The following GABRB1 variants were observed in gnomAD, a reference collection of about 807,000 sequenced individuals.
The protein encoded by GABRB1 is gamma-aminobutyric acid type A receptor subunit beta1.
GABRB1 carries 17 observed loss-of-function variants against 51.6 expected under a neutral mutation model. The ratio of observed to expected loss-of-function variants is 0.33; its 90% CI spans 0.23 to 0.49. The LOEUF is 0.49. GABRB1 is among the 20% of genes least tolerant of loss of function. GABRB1 has a pLI of 0.99. For synonymous variants in GABRB1, 247 were observed against 218.9 expected, an observed-to-expected ratio of 1.13 and a Z score of -1.14; for missense variants, 410 against 600.6, an observed-to-expected ratio of 0.68 and a Z score of 3.32.
At chr4:47,132,253 T>G (rs1446580586) in intron 3 of GABRB1, among the ~76,000 whole-genome samples, 1 of 152,228 alleles carries the variant, frequency 6.6e-6, no homozygotes, top group Non-Finnish European at 1.5e-5. Flanking sequence ...GCTAACTTTC[T>G]TATTATTTTT....
chr4:47,425,980 C>G lies in GABRB1; in HGVS notation c.1387C>G (p.Leu463Val). Reference sequence around the variant, plus strand: ...AATGTTTTTCCCCATCACCTTTTCTCTTTTTAATGTCGTCTATTGGCTTTA... The same window carrying G: ...AATGTTTTTCCCCATCACCTTTTCTGTTTTTAATGTCGTCTATTGGCTTTA... ...SRMFFPITFS[L>V]FNVVYWLYYV... is the part of the protein sequence containing the mutation. Residue 463 changes from leucine to valine, a missense_variant, in exon 9 of 9, where the codon CTT (leucine) becomes GTT (valine). Around this residue, in one of 5 missense-constraint regions of GABRB1, gnomAD observed 181 missense variants for 195.6 expected, o/e 0.93. Coordinates refer to ENST00000295454, the MANE Select transcript of GABRB1 (RefSeq NM_000812.4). 2 of 1,608,116 alleles carry G rather than the reference C, an allele frequency of 1.2e-6. No homozygotes were observed. Among genetic ancestry groups the G allele is most frequent in the Non-Finnish European group, 1.7e-6 (2 of 1,176,324 alleles).
intron 3 of GABRB1, among the ~76,000 whole-genome samples, chr4:47,113,478 C>A (rs1715325392): frequency 1.3e-5 from 2 of 148,644 alleles, no homozygotes; most frequent in South Asian, 4.3e-4. Flanking sequence ...ATATGTTAAA[C>A]AATAAATAGA....
chr4:47,078,694 C>T (rs1252938711), intron 3 of GABRB1, among the ~76,000 whole-genome samples: 3 of 152,180 alleles, frequency 2.0e-5, no homozygotes, highest in African/African-American at 7.2e-5. Context: ...TCAGCTCTAA[C>T]ATCCTATAAT....
intron 3 of GABRB1, among the ~76,000 whole-genome samples, chr4:47,156,163 C>A (rs1490845672): frequency 1.3e-5 from 2 of 151,518 alleles, no homozygotes; most frequent in Non-Finnish European, 2.9e-5. Context: ...TTTCTGTAGT[C>A]GCTGTACTTT....
intron 3 of GABRB1, among the ~76,000 whole-genome samples, chr4:47,100,237 C>T (rs1219703871): frequency 1.3e-5 from 2 of 151,890 alleles, no homozygotes; most frequent in Non-Finnish European, 2.9e-5. Context: ...TAATAACTCA[C>T]ATGGGATTAT....
At position 47,032,128 on chromosome 4, in the gene GABRB1, GCACACACACACA is replaced by G. The variant is rs72109821; in HGVS notation, c.172+145_172+156del. 4 of 583,574 alleles carry G rather than the reference GCACACACACACA, an allele frequency of 6.9e-6. No individual in the cohort carries two copies. The East Asian group carries it at 8.8e-5, about 13-fold the overall frequency. 36.1% of individuals were successfully genotyped at this position (583,574 alleles called of 1,614,324 possible). A position where few individuals can be genotyped will look rare whatever the true frequency, so the allele number is the denominator to read the frequency against. On this transcript the variant is annotated intron_variant, in intron 2 of 8. Transcript: ENST00000295454. ...TTCGTAAGCGTGCACTATACCCTGG[GCACACACACACA>G]CACACACACACACACACACACCCCG...
intron 4 of GABRB1, among the ~76,000 whole-genome samples, chr4:47,299,479 A>G (rs1482510625): frequency 2.0e-5 from 3 of 152,222 alleles, no homozygotes; most frequent in Admixed American, 6.5e-5. Context: ...GCCAAAAAAC[A>G]CATGAAAAAA....
chr4:47,220,995 C>A (rs143022154), intron 4 of GABRB1, among the ~76,000 whole-genome samples: 132 of 152,098 alleles, frequency 8.7e-4, no homozygotes, highest in African/African-American at 3.1e-3. Flanking sequence ...ACGTTACCAC[C>A]TTTGATGTAA....
At chr4:47,086,218 C>T (rs1018632083) in intron 3 of GABRB1, among the ~76,000 whole-genome samples, 10 of 152,152 alleles carry the variant, frequency 6.6e-5, no homozygotes, top group African/African-American at 2.4e-4. Context: ...AACTGCTTTA[C>T]ACATGTTTGC....
intron 5 of GABRB1, among the ~76,000 whole-genome samples, chr4:47,376,510 A>G (rs1253433273): frequency 6.6e-6 from 1 of 152,080 alleles, no homozygotes; most frequent in Non-Finnish European, 1.5e-5. Flanking sequence ...AGCCGGGCCT[A>G]GTGGCGGCCG....
chr4:47,372,446 G>T (rs1727228339), intron 5 of GABRB1, among the ~76,000 whole-genome samples: 2 of 152,142 alleles, frequency 1.3e-5, no homozygotes, highest in South Asian at 4.1e-4. Flanking sequence ...CCACTGTGCT[G>T]TTAAATCTCC....
At chr4:47,242,126 A>G (rs1721547560) in intron 4 of GABRB1, among the ~76,000 whole-genome samples, 1 of 151,892 alleles carries the variant, frequency 6.6e-6, no homozygotes. Flanking sequence ...TATGAGTGAG[A>G]ACATGCGGTG....
At chr4:47,216,703 G>A (rs1295779459) in intron 4 of GABRB1, among the ~76,000 whole-genome samples, 1 of 151,808 alleles carries the variant, frequency 6.6e-6, no homozygotes, top group Non-Finnish European at 1.5e-5. Context: ...ATATCCATCT[G>A]ATTGACAAAC....
At chr4:47,403,141 A>C (rs1270535656) in intron 5 of GABRB1, among the ~76,000 whole-genome samples, 177 bp from the exon 6 acceptor site, 1 of 152,216 alleles carries the variant, frequency 6.6e-6, no homozygotes, top group Non-Finnish European at 1.5e-5. Context: ...CATTCTTTCA[A>C]TGAAGCTACT....
intron 3 of GABRB1, among the ~76,000 whole-genome samples, chr4:47,055,261 G>A (rs1047092920): frequency 6.6e-6 from 1 of 152,108 alleles, no homozygotes; most frequent in African/African-American, 2.4e-5. Context: ...GAATAGAGAT[G>A]GTTTGGAAGA....
intron 5 of GABRB1, among the ~76,000 whole-genome samples, chr4:47,401,858 T>G (rs1449612682): frequency 7.9e-6 from 1 of 125,848 alleles, no homozygotes; most frequent in Non-Finnish European, 1.8e-5. Context: ...TATCTATCTA[T>G]CTATCTATCA....
At chr4:47,198,539 C>G (rs1403484836) in intron 4 of GABRB1, among the ~76,000 whole-genome samples, 1 of 152,046 alleles carries the variant, frequency 6.6e-6, no homozygotes, top group Non-Finnish European at 1.5e-5. Flanking sequence ...TGATCACAAA[C>G]AAACTGTTGG....
intron 3 of GABRB1, among the ~76,000 whole-genome samples, chr4:47,044,055 A>T (rs545042062): frequency 3.3e-5 from 5 of 152,254 alleles, no homozygotes; most frequent in African/African-American, 1.2e-4. Context: ...CTAGGTAGAA[A>T]AAGTGGCCAA....
At position 47,337,563 on chromosome 4, in the gene GABRB1, G is replaced by A. The variant is rs545756439; in HGVS notation, c.544+17354G>A. On this transcript the variant is annotated intron_variant, in intron 5 of 8. Coordinates refer to ENST00000295454, the MANE Select transcript of GABRB1 (RefSeq NM_000812.4). ...CTCACACCTATAATTCCTGCGCTTT[G>A]GGAGGCCGAGGCAGGTGGATCACTT... Among the ~76,000 whole-genome samples, 321 of 152,062 alleles carry A rather than the reference G, an allele frequency of 2.1e-3. 3 individuals are homozygous for A. Among genetic ancestry groups the A allele is most frequent in the African/African-American group, 7.4e-3 (309 of 41,482 alleles).
Sources: gnomAD v4.1 joint callset for allele counts (sites outside exome capture counted in the v4.1 genomes callset) on GRCh38, gnomAD v4.1.1 for gene constraint, gnomAD v4.1.1 regional missense constraint, MANE v1.5 for transcripts, NCBI Gene and HGNC (gene_info 2026-07-23, HGNC 2026-07-21) for gene names.